ALDH18A1: variants seen among roughly 807,000 people sequenced by gnomAD.
ALDH18A1 encodes the protein aldehyde dehydrogenase 18 family member A1.
In ALDH18A1, 44 loss-of-function variants were observed where a neutral mutation model predicts 88.8. That is an observed-to-expected ratio of 0.50 (90% CI 0.39 to 0.64). ALDH18A1 has a LOEUF of 0.64. Ranked by LOEUF, ALDH18A1 falls within the 30% of genes least tolerant of loss-of-function variation. ALDH18A1 has a pLI of 0.00. For missense variants in ALDH18A1, 782 were observed against 1,009.5 expected (o/e 0.77, Z 3.05); for synonymous variants, 331 against 372.1 (o/e 0.89, Z 1.27).
In ALDH18A1 at chr10:95,614,175, G is replaced by A; in HGVS notation, c.1606-14C>T. 6.2e-7 allele frequency: 1 copy of A among 1,613,136 alleles called. No individual in the cohort carries two copies. Among genetic ancestry groups the A allele is most frequent in the Non-Finnish European group, 8.5e-7 (1 of 1,179,608 alleles). ...TCTGGTATTCACCTTTAGAAGGAAA[G>A]AAGAAAAAGATAAAGATGACATCTG... On this transcript the variant is annotated splice_polypyrimidine_tract_variant and intron_variant, in intron 13 of 17. Transcript: ENST00000371224.
chr10:95,637,086 C>T lies in ALDH18A1; in HGVS notation c.558+7G>A, dbSNP rs1418419806. On this transcript the variant is annotated splice_region_variant and intron_variant, in intron 5 of 17. Coordinates refer to ENST00000371224, the MANE Select transcript of ALDH18A1 (RefSeq NM_002860.4). ...TCCCACACCCATTTCAAAGCCCAGCCTCTCACCTGGGCAGCACAGATGCTG... is the reference window on the plus strand; with the variant it reads ...TCCCACACCCATTTCAAAGCCCAGCTTCTCACCTGGGCAGCACAGATGCTG... 23 of 1,613,482 alleles carry T rather than the reference C, an allele frequency of 1.4e-5. No individual in the cohort carries two copies. The highest frequency in any genetic ancestry group is 1.9e-5 in the Non-Finnish European group (23 of 1,179,540).
chr10:95,609,701 C>T (rs1436476553), intron 17 of ALDH18A1, among the ~76,000 whole-genome samples: 1 of 151,862 alleles, frequency 6.6e-6, no homozygotes, highest in Admixed American at 6.6e-5. Flanking sequence ...ATAGGCCTTC[C>T]ACCAACTCAT....
At position 95,652,330 on chromosome 10, in the gene ALDH18A1, T is replaced by C. The variant is rs148301692; in HGVS notation, c.88+960A>G. Among the ~76,000 whole-genome samples the C allele has an allele frequency of 6.9e-3, 1,049 of 152,248 alleles. 13 individuals carry two copies. The highest frequency in any genetic ancestry group is 0.024 in the African/African-American group (988 of 41,532). ...ACCTTGGTTCAGATACTGGGTGAAATTGGGTAAAGGGTATAAGGGACCTTT... is the reference window on the plus strand; with the variant it reads ...ACCTTGGTTCAGATACTGGGTGAAACTGGGTAAAGGGTATAAGGGACCTTT... On this transcript the variant is annotated intron_variant, in intron 2 of 17. Coordinates refer to ENST00000371224, the MANE Select transcript of ALDH18A1 (RefSeq NM_002860.4).
chr10:95,649,495 C>T (rs1180454473), intron 2 of ALDH18A1, among the ~76,000 whole-genome samples: 1 of 151,650 alleles, frequency 6.6e-6, no homozygotes, highest in Non-Finnish European at 1.5e-5. Flanking sequence ...GCTGGGACTA[C>T]AGGCACCTGC....
chr10:95,615,091 G>C (rs915402027), intron 13 of ALDH18A1, among the ~76,000 whole-genome samples: 1 of 152,152 alleles, frequency 6.6e-6, no homozygotes, highest in Non-Finnish European at 1.5e-5. Flanking sequence ...GGGAGGCTGA[G>C]GCAGGCAGAT....
At chr10:95,634,240 G>C (rs115101695) in intron 5 of ALDH18A1, among the ~76,000 whole-genome samples, 7 of 152,238 alleles carry the variant, frequency 4.6e-5, no homozygotes, top group African/African-American at 1.7e-4. Flanking sequence ...ATTTTAGAGG[G>C]ATACTGGGGG....
At chr10:95,648,498 C>T (rs1311818272) in intron 2 of ALDH18A1, among the ~76,000 whole-genome samples, 1 of 152,052 alleles carries the variant, frequency 6.6e-6, no homozygotes, top group Non-Finnish European at 1.5e-5. Context: ...TGCCAGATTA[C>T]AAAAATGGCC....
chr10:95,640,099 C>T (rs12244124), intron 3 of ALDH18A1, among the ~76,000 whole-genome samples: 53,500 of 151,916 alleles, frequency 0.35, 10,064 homozygotes, highest in East Asian at 0.7. Flanking sequence ...ATGATTCCTT[C>T]GTCATTTATA....
chr10:95,621,648 G>T (rs995837343), intron 11 of ALDH18A1, among the ~76,000 whole-genome samples: 1 of 151,972 alleles, frequency 6.6e-6, no homozygotes, highest in Non-Finnish European at 1.5e-5. Flanking sequence ...GAACATGTGG[G>T]ACTGCATTAG....
intron 12 of ALDH18A1, 133 bp downstream of exon 12, chr10:95,620,898 C>A: frequency 1.1e-6 from 1 of 874,822 alleles, no homozygotes; most frequent in Non-Finnish European, 1.8e-6. Context: ...ATGTAACAAA[C>A]CTGCACGTTG....
At chr10:95,641,153 T>C (rs954541494) in intron 3 of ALDH18A1, among the ~76,000 whole-genome samples, 4 of 152,174 alleles carry the variant, frequency 2.6e-5, no homozygotes, top group African/African-American at 9.7e-5. Flanking sequence ...CCCCTCTGTT[T>C]GTGCAAATCC....
chr10:95,624,261 G>C (rs1450494020), intron 11 of ALDH18A1, among the ~76,000 whole-genome samples: 1 of 152,242 alleles, frequency 6.6e-6, no homozygotes, highest in Non-Finnish European at 1.5e-5. Flanking sequence ...TGCATGTTCA[G>C]AGAGGTATAG....
chr10:95,634,268 T>G (rs1266984669), intron 5 of ALDH18A1, among the ~76,000 whole-genome samples: 1 of 152,188 alleles, frequency 6.6e-6, no homozygotes, highest in East Asian at 1.9e-4. Context: ...GATTATCCAT[T>G]AATTTCTTTT....
chr10:95,621,002 G>A, intron 12 of ALDH18A1, 29 bp downstream of exon 12: 3 of 1,598,872 alleles, frequency 1.9e-6, no homozygotes, highest in South Asian at 2.2e-5. Context: ...CAATGGCAGG[G>A]TATTTATTCT....
intron 6 of ALDH18A1, 77 bp downstream of exon 6, chr10:95,633,414 T>C: frequency 6.4e-7 from 1 of 1,558,226 alleles, no homozygotes; most frequent in Middle Eastern, 1.8e-4. Flanking sequence ...TATGCCAAAC[T>C]TCTGGTGTTA....
chr10:95,635,822 T>G (rs953675837), intron 5 of ALDH18A1, among the ~76,000 whole-genome samples: 15 of 152,186 alleles, frequency 9.9e-5, no homozygotes, highest in African/African-American at 3.6e-4. Flanking sequence ...TCAAAAGGTT[T>G]CATCCCTGGG....
At chr10:95,648,808 A>G (rs371115490) in intron 2 of ALDH18A1, among the ~76,000 whole-genome samples, 162 of 152,298 alleles carry the variant, frequency 1.1e-3, no homozygotes, top group African/African-American at 3.6e-3. Flanking sequence ...TCAATCTGAG[A>G]CCTGACACAG....
At chr10:95,653,602 A>T (rs1011815196) in intron 1 of ALDH18A1, among the ~76,000 whole-genome samples, 197 bp from the exon 2 acceptor site, 1 of 152,168 alleles carries the variant, frequency 6.6e-6, no homozygotes, top group African/African-American at 2.4e-5. Flanking sequence ...GGCCTCAACC[A>T]TCTTAGTTTT....
rs936833159 is a variant in ALDH18A1, at chr10:95,620,492, T to C, written c.1467+539A>G. 7.9e-5 allele frequency among the ~76,000 whole-genome samples: 12 copies of C among 152,342 alleles called. No individual in the cohort carries two copies. In the East Asian group the frequency reaches 9.6e-4, roughly 12 times the overall value. On this transcript the variant is annotated intron_variant, in intron 12 of 17. Coordinates refer to ENST00000371224, the MANE Select transcript of ALDH18A1 (RefSeq NM_002860.4). ...AAAGACACATGCACACGTATGTTTA[T>C]TGTGGCACTATTCACAATAGCAAAG...
Sources: allele counts gnomAD v4.1 joint callset (sites outside exome capture counted in the v4.1 genomes callset), GRCh38; gene constraint gnomAD v4.1.1; transcripts MANE v1.5; gene names NCBI Gene and HGNC (gene_info 2026-07-23, HGNC 2026-07-21).